ZNF76: variants seen among roughly 807,000 people sequenced by gnomAD.
The protein encoded by ZNF76 is zinc finger protein 76, also known as zinc finger protein 523.
A neutral mutation model predicts 66.9 loss-of-function variants in ZNF76; 66 were observed. The observed-to-expected ratio is 0.99, with a 90% CI of 0.81 to 1.21. The LOEUF (loss-of-function observed/expected upper bound fraction) is 1.21. ZNF76 is among the 50% of genes most tolerant of loss of function. The pLI is 0.00. For synonymous variants in ZNF76, 275 were observed against 296.1 expected, an observed-to-expected ratio of 0.93 and a Z score of 0.73; for missense variants, 729 against 760.3, an observed-to-expected ratio of 0.96 and a Z score of 0.48.
intron 1 of ZNF76, among the ~76,000 whole-genome samples, chr6:35,267,328 G>A (rs1786299344): frequency 6.6e-6 from 1 of 151,826 alleles, no homozygotes; most frequent in South Asian, 2.1e-4. Flanking sequence ...GAACTCCTGG[G>A]CTCAAGCCTC....
chr6:35,259,567 C>T (rs1468143093), upstream of ZNF76: 5 of 152,244 alleles, frequency 3.3e-5, no homozygotes, highest in African/African-American at 1.2e-4. Context: ...CGCCTGGGCT[C>T]CAGGAGCCCC....
At chr6:35,268,361 G>T (rs1381764890) in intron 1 of ZNF76, among the ~76,000 whole-genome samples, 1 of 152,098 alleles carries the variant, frequency 6.6e-6, no homozygotes, top group Non-Finnish European at 1.5e-5. Context: ...TCTTTGACCA[G>T]ATAAGAGTAT....
chr6:35,277,843 A>G (rs370515936), intron 1 of ZNF76, among the ~76,000 whole-genome samples: 2 of 152,106 alleles, frequency 1.3e-5, no homozygotes, highest in Admixed American at 6.6e-5. Context: ...CAGTTGGTCT[A>G]TAGGTTTTTT....
chr6:35,280,703 C>T (rs910626327), intron 1 of ZNF76, among the ~76,000 whole-genome samples: 3 of 152,048 alleles, frequency 2.0e-5, no homozygotes, highest in African/African-American at 4.8e-5. Context: ...TAAATGGGTC[C>T]GAGCACAGGA....
chr6:35,266,949 C>A (rs1204946979), intron 1 of ZNF76, among the ~76,000 whole-genome samples: 1 of 150,782 alleles, frequency 6.6e-6, no homozygotes. Context: ...TACAGGTGCC[C>A]ACCACCGCGC....
intron 1 of ZNF76, among the ~76,000 whole-genome samples, chr6:35,266,804 T>TTC (rs1425534597): frequency 4.5e-5 from 6 of 133,074 alleles, no homozygotes; most frequent in African/African-American, 8.2e-5. Flanking sequence ...TTTCTTTTTT[T>TTC]TTTTTTTTTT....
rs781197488 is a variant in ZNF76 at position 35,291,912 on chromosome 6, C to T, written c.931+175C>T. On this transcript the variant is annotated intron_variant, in intron 9 of 13. Coordinates refer to ENST00000373953, the MANE Select transcript of ZNF76 (RefSeq NM_003427.5). ...ACAACTCTGCTTGCAGTGAGTAATT[C>T]CTCAATTTCCAGTTAGGTCCAATCT... 6.6e-4 allele frequency: 461 copies of T among 702,844 alleles called. 1 individual carries two copies. The highest frequency in any genetic ancestry group is 9.6e-4 in the Non-Finnish European group (404 of 420,262). 43.5% of individuals were successfully genotyped at this position (702,844 alleles called of 1,614,324 possible). A position where few individuals can be genotyped will look rare whatever the true frequency, so the allele number is the denominator to read the frequency against.
chr6:35,290,551 G>A, intron 6 of ZNF76, 90 bp from the exon 7 acceptor site: 7 of 1,538,684 alleles, frequency 4.5e-6, no homozygotes, highest in Non-Finnish European at 6.3e-6. Context: ...GAATGGTACA[G>A]GAGGGAAGAG....
intron 1 of ZNF76, among the ~76,000 whole-genome samples, chr6:35,265,998 A>G (rs1308205170): frequency 1.3e-5 from 2 of 152,216 alleles, no homozygotes; most frequent in African/African-American, 4.8e-5. Flanking sequence ...GGAGGCTACT[A>G]CAATAGTCTA....
rs181447949 is a variant in ZNF76, at chr6:35,293,334, C to A, written c.1329+290C>A. Reference sequence around the variant, plus strand: ...TGAACAGGATATGGGATGTCCTTCTCAAGAGAGGCATGTTCATATAGCAGC... The same window carrying A: ...TGAACAGGATATGGGATGTCCTTCTAAAGAGAGGCATGTTCATATAGCAGC... On this transcript the variant is annotated intron_variant, in intron 11 of 13. Transcript: ENST00000373953. 3.5e-3 allele frequency among the ~76,000 whole-genome samples: 540 copies of A among 152,260 alleles called. 3 individuals are homozygous for A. Among genetic ancestry groups the A allele is most frequent in the Non-Finnish European group, 3.1e-3 (212 of 68,016 alleles).
chr6:35,272,921 A>G (rs1303059541), intron 1 of ZNF76, among the ~76,000 whole-genome samples: 1 of 152,076 alleles, frequency 6.6e-6, no homozygotes, highest in Non-Finnish European at 1.5e-5. Context: ...TGGGAGGCTA[A>G]GGTAGGTGGA....
At chr6:35,280,975 C>A in intron 1 of ZNF76, 81 bp from the exon 2 acceptor site, 1 of 642,144 alleles carries the variant, frequency 1.6e-6, no homozygotes, top group Non-Finnish European at 2.8e-6. Flanking sequence ...GGCTGGCTGG[C>A]CTCATTAACT....
chr6:35,285,067 CCT>C (rs1486072478), intron 2 of ZNF76, among the ~76,000 whole-genome samples: 1 of 152,210 alleles, frequency 6.6e-6, no homozygotes, highest in East Asian at 1.9e-4. Context: ...CTTCCTTCCC[CCT>C]CTGTCAGACT....
intron 1 of ZNF76, among the ~76,000 whole-genome samples, chr6:35,264,386 C>A (rs1247122669): frequency 6.6e-6 from 1 of 152,194 alleles, no homozygotes; most frequent in Non-Finnish European, 1.5e-5. Flanking sequence ...ACAGTGGTAA[C>A]AGCATCAGGG....
At chr6:35,266,589 G>C (rs1786119638) in intron 1 of ZNF76, among the ~76,000 whole-genome samples, 1 of 151,990 alleles carries the variant, frequency 6.6e-6, no homozygotes, top group African/African-American at 2.4e-5. Context: ...AAGTCTTTTG[G>C]AGCCTAGGAA....
Position 35,287,029 on chromosome 6 carries a change from G to A in ZNF76, c.233-617G>A, listed in dbSNP as rs750712782. On this transcript the variant is annotated intron_variant, in intron 4 of 13. Transcript: ENST00000373953. The surrounding 1 kb of genome is among the most constrained non-coding windows in gnomAD (Gnocchi z 4.0). ...TAGACTTAGCTGGGGGAAGAGGGATGGCAGGGAGGGTTCAGTACTTCAGGC... is the reference window on the plus strand; with the variant it reads ...TAGACTTAGCTGGGGGAAGAGGGATAGCAGGGAGGGTTCAGTACTTCAGGC... Among the ~76,000 whole-genome samples, 1 of 152,138 alleles carries A rather than the reference G, an allele frequency of 6.6e-6. No homozygotes were observed. Among genetic ancestry groups the A allele is most frequent in the Non-Finnish European group, 1.5e-5 (1 of 68,026 alleles).
intron 13 of ZNF76, 73 bp downstream of exon 13, chr6:35,294,642 G>A (rs1790922331): frequency 9.2e-7 from 1 of 1,089,482 alleles, no homozygotes; most frequent in South Asian, 1.3e-5. Flanking sequence ...GGAATTAGAT[G>A]AGGATCTTGA....
intron 5 of ZNF76, among the ~76,000 whole-genome samples, chr6:35,289,833 G>A (rs553009569): frequency 1.1e-4 from 17 of 152,230 alleles, no homozygotes; most frequent in African/African-American, 2.6e-4. Flanking sequence ...CACTAGTTTC[G>A]TGCCAGGAGG....
At chr6:35,293,972 G>T in intron 12 of ZNF76, 57 bp downstream of exon 12, 1 of 1,590,254 alleles carries the variant, frequency 6.3e-7, no homozygotes. Flanking sequence ...TCCATGGGGC[G>T]GGCATTAAAG....
Sources: gnomAD v4.1 joint callset for allele counts (sites outside exome capture counted in the v4.1 genomes callset) on GRCh38, gnomAD v4.1.1 for gene constraint, Gnocchi (gnomAD v3.1) non-coding constraint, MANE v1.5 for transcripts, NCBI Gene and HGNC (gene_info 2026-07-23, HGNC 2026-07-21) for gene names.